The following C2CD3 variants were observed in gnomAD, a reference collection of about 807,000 sequenced individuals.
C2CD3 encodes the protein C2 domain containing 3 centriole elongation regulator.
C2CD3 carries 148 observed loss-of-function variants against 234.0 expected under a neutral mutation model. That is an observed-to-expected ratio of 0.63 (90% CI 0.55 to 0.72). C2CD3 has a LOEUF of 0.72. Ranked by LOEUF, C2CD3 falls within the 30% of genes least tolerant of loss-of-function variation. C2CD3 has a pLI of 0.00. For missense variants in C2CD3, 2,577 were observed against 2,811.5 expected, an observed-to-expected ratio of 0.92 and a Z score of 1.89; for synonymous variants, 1,000 against 1,035.4, an observed-to-expected ratio of 0.97 and a Z score of 0.66.
chr11:74,150,513 A>C (rs1030519204), intron 3 of C2CD3, among the ~76,000 whole-genome samples: 13 of 67,766 alleles, frequency 1.9e-4, no homozygotes, highest in African/African-American at 6.8e-4. Context: ...AAAAAAAAAA[A>C]AACAAAAAAA....
At chr11:74,144,400 C>T (rs576734074) in intron 3 of C2CD3, among the ~76,000 whole-genome samples, 30 of 152,296 alleles carry the variant, frequency 2.0e-4, no homozygotes, top group South Asian at 4.1e-4. Flanking sequence ...CAAAGCTTCT[C>T]TAGTGCCAAT....
At chr11:74,159,950 T>C (rs943637999) in intron 3 of C2CD3, among the ~76,000 whole-genome samples, 19 of 152,214 alleles carry the variant, frequency 1.2e-4, no homozygotes, top group East Asian at 3.8e-4. Context: ...TATACTGATA[T>C]CTTTTAACTT....
chr11:74,084,161 G>T, intron 22 of C2CD3, among the ~76,000 whole-genome samples: 1 of 152,100 alleles, frequency 6.6e-6, no homozygotes, highest in East Asian at 1.9e-4. Flanking sequence ...GATGCAGCTG[G>T]AAACCATCAT....
At chr11:74,109,961 GTC>G (rs1181417419) in intron 11 of C2CD3, among the ~76,000 whole-genome samples, 2,376 of 150,180 alleles carry the variant, frequency 0.016, 56 homozygotes, top group African/African-American at 0.035. Context: ...GACGCCTGTA[GTC>G]CCAGCTACTT....
At chr11:74,082,260 C>T (rs554383224) in intron 22 of C2CD3, among the ~76,000 whole-genome samples, 19 of 151,920 alleles carry the variant, frequency 1.3e-4, no homozygotes, top group African/African-American at 3.9e-4. Flanking sequence ...GGACCACAGG[C>T]GCCTGCTACC....
In C2CD3 at chr11:74,129,419, C is replaced by T. The variant is rs1382346108; in HGVS notation, c.1217+3425G>A. On this transcript the variant is annotated intron_variant, in intron 7 of 32. Transcript: ENST00000334126. ...ACGGGGTCGCGGCCGGGCAGAGGCG[C>T]TCCTCACATCCCAGACGGGGCGGCG... 2.9e-5 allele frequency: 5 copies of T among 174,404 alleles called. No individual in the cohort carries two copies. The Admixed American group carries it at 3.1e-4, about 11-fold the overall frequency. The allele number at this position is 174,404 out of a possible 1,614,324, so 10.8% of individuals were successfully genotyped here. A position where few individuals can be genotyped will look rare whatever the true frequency, so the allele number is the denominator to read the frequency against.
rs758762066 is a variant in C2CD3 at position 74,092,371 on chromosome 11, T to C, written c.3517+45A>G. 7 of 1,543,236 alleles carry C rather than the reference T, an allele frequency of 4.5e-6. No homozygotes were observed. In the South Asian group the frequency reaches 6.7e-5, roughly 15 times the overall value. On this transcript the variant is annotated intron_variant, in intron 19 of 32. Coordinates refer to ENST00000334126, the MANE Select transcript of C2CD3 (RefSeq NM_001286577.2). ...CACCCGGCTATTTTATATATTTTTA[T>C]GTATACTGATTTTGAAAGAAAAAGA... is the stretch of plus-strand genomic sequence containing the variant.
At chr11:74,038,351 A>G (rs924778996) in intron 29 of C2CD3, among the ~76,000 whole-genome samples, 1 of 152,224 alleles carries the variant, frequency 6.6e-6, no homozygotes, top group Non-Finnish European at 1.5e-5. Context: ...CCACATTCTC[A>G]CCATTCTCCA....
In C2CD3 at chr11:74,095,276, G is replaced by C. The variant is rs539678659; in HGVS notation, c.3112C>G (p.Gln1038Glu). The C allele has an allele frequency of 8.7e-6, 14 of 1,613,666 alleles. No individual in the cohort carries two copies. In the East Asian group the frequency reaches 1.3e-4, roughly 15 times the overall value. ...DCYVQYYFPV[Q>E]HSQSSVLKGP... ...TTCAGCACACTGGATTGAGAGTGTT[G>C]AACTGGAAAGTAGTACTGGACATAA... The change falls in exon 17 of 33, where the codon CAA (glutamine) becomes GAA (glutamate). Residue 1038 changes from glutamine (Q) to glutamate (E), a missense_variant. By Grantham distance (29) the Gln-to-Glu change is conservative. Coordinates refer to ENST00000334126, the MANE Select transcript of C2CD3 (RefSeq NM_001286577.2).
At chr11:74,090,784 T>A in intron 20 of C2CD3, 29 bp downstream of exon 20, 1 of 1,608,794 alleles carries the variant, frequency 6.2e-7, no homozygotes, top group Non-Finnish European at 8.5e-7. Flanking sequence ...GTAAAAGGCT[T>A]GAGAATTGCT....
intron 32 of C2CD3, among the ~76,000 whole-genome samples, chr11:74,024,058 T>C (rs778881627): frequency 9.9e-5 from 15 of 152,160 alleles, no homozygotes; most frequent in Non-Finnish European, 1.5e-4. Context: ...TCCTCCCCTA[T>C]CCCATTCCCC....
rs780064957 is a variant in C2CD3, at chr11:74,138,883, T to C, written c.792A>G (p.Gly264=). Residue 264 remains glycine, a synonymous_variant, in exon 5 of 33, where the codon GGA becomes GGG. Coordinates refer to ENST00000334126, the MANE Select transcript of C2CD3 (RefSeq NM_001286577.2). Reference sequence around the variant, plus strand: ...TCAGAGTTACAGACTCTAAACTCTGTCCTGAATTAAGACTGTGCTGTAGTC... The same window carrying C: ...TCAGAGTTACAGACTCTAAACTCTGCCCTGAATTAAGACTGTGCTGTAGTC... ...SFGLQHSLNS[G]QSLESVTLKG... is the part of the protein sequence containing the mutation. The C allele has an allele frequency of 1.9e-6, 3 of 1,613,258 alleles. No individual in the cohort carries two copies. Among genetic ancestry groups the C allele is most frequent in the African/African-American group, 1.3e-5 (1 of 75,014 alleles).
At chr11:74,024,062 A>G (rs1466416848) in intron 32 of C2CD3, among the ~76,000 whole-genome samples, 1 of 152,156 alleles carries the variant, frequency 6.6e-6, no homozygotes, top group Non-Finnish European at 1.5e-5. Context: ...CCCCTATCCC[A>G]TTCCCCTGCT....
At chr11:74,116,817 CACAT>C (rs1956945414) in intron 9 of C2CD3, among the ~76,000 whole-genome samples, 1 of 130,250 alleles carries the variant, frequency 7.7e-6, no homozygotes, top group South Asian at 2.5e-4. Flanking sequence ...TATATACACA[CACAT>C]ATATACGTGT....
intron 7 of C2CD3, among the ~76,000 whole-genome samples, chr11:74,125,148 T>C (rs1957367118): frequency 6.6e-6 from 1 of 152,206 alleles, no homozygotes; most frequent in South Asian, 2.1e-4. Context: ...CTTCTGGTAT[T>C]TACCTTCATA....
intron 20 of C2CD3, among the ~76,000 whole-genome samples, chr11:74,088,919 A>C (rs1955767889): frequency 6.6e-6 from 1 of 152,236 alleles, no homozygotes; most frequent in Non-Finnish European, 1.5e-5. Context: ...TGGACCAATG[A>C]TCCCTAAAGA....
chr11:74,079,573 T>C (rs1463746139), intron 22 of C2CD3, among the ~76,000 whole-genome samples: 1 of 151,008 alleles, frequency 6.6e-6, no homozygotes, highest in Non-Finnish European at 1.5e-5. Flanking sequence ...GAAATTCTGC[T>C]AGCCCTTTAC....
chr11:74,109,072 T>C lies in C2CD3; in HGVS notation c.1924A>G (p.Thr642Ala). ...MIEHWWNSNL[T>A]FQIYVKKTPQ... The stretch of plus-strand genomic sequence containing the variant: ...GTTTTCTTTACATAAATTTGGAAAG[T>C]GAGGTTGGAATTCCACCAGTGCTCT... The change falls in exon 12 of 33, where the codon ACT becomes GCT. Residue 642 changes from threonine to alanine, a missense_variant. Physicochemically the swap from Thr to Ala is moderately conservative, Grantham distance 58 (BLOSUM62 0). Coordinates refer to ENST00000334126, the MANE Select transcript of C2CD3 (RefSeq NM_001286577.2). 1 of 1,606,208 alleles carries C rather than the reference T, an allele frequency of 6.2e-7. No homozygotes were observed. Among genetic ancestry groups the C allele is most frequent in the East Asian group, 2.3e-5 (1 of 44,190 alleles).
chr11:74,066,422 T>TA (rs1294229378), intron 24 of C2CD3, among the ~76,000 whole-genome samples: 1 of 144,634 alleles, frequency 6.9e-6, no homozygotes, highest in African/African-American at 2.5e-5. Flanking sequence ...ACTTAAAGTA[T>TA]AAAAAAAAAG....
Sources: allele counts gnomAD v4.1 joint callset (sites outside exome capture counted in the v4.1 genomes callset), GRCh38; gene constraint gnomAD v4.1.1; transcripts MANE v1.5; gene names NCBI Gene and HGNC (gene_info 2026-07-23, HGNC 2026-07-21).